The following CCDC136 variants were observed in gnomAD, a reference collection of about 807,000 sequenced individuals.
CCDC136 encodes coiled-coil domain containing 136.
CCDC136 carries 100 observed loss-of-function variants against 141.2 expected under a neutral mutation model. The observed-to-expected ratio is 0.71, with a 90% CI of 0.60 to 0.84. CCDC136 has a LOEUF of 0.84. Among genes scored for constraint, CCDC136 ranks in the 40% least tolerant of loss-of-function variants. CCDC136 has a pLI of 0.00. For missense variants in CCDC136, 1,206 were observed against 1,379.4 expected, an observed-to-expected ratio of 0.87 and a Z score of 1.99; for synonymous variants, 474 against 531.9, an observed-to-expected ratio of 0.89 and a Z score of 1.50.
At chr7:128,798,812 C>T (rs921353080) in intron 3 of CCDC136, among the ~76,000 whole-genome samples, 2 of 151,946 alleles carry the variant, frequency 1.3e-5, no homozygotes, top group Non-Finnish European at 2.9e-5. Flanking sequence ...GGCCTTGGCA[C>T]GCAGTTAAGG....
At chr7:128,799,172 TAAAAA>T (rs35342890) in intron 3 of CCDC136, among the ~76,000 whole-genome samples, 3 of 51,310 alleles carry the variant, frequency 5.8e-5, no homozygotes, top group Non-Finnish European at 6.7e-5. Flanking sequence ...ATCTCTACAT[TAAAAA>T]AAAAAAAAAA....
rs181079400 is a variant in CCDC136, at chr7:128,811,604, G to C, written c.2029-196G>C. On this transcript the variant is annotated intron_variant, in intron 12 of 17. Coordinates refer to ENST00000297788, the MANE Select transcript of CCDC136 (RefSeq NM_022742.5). Reference sequence around the variant, plus strand: ...AATCATGGAGTATCTGCCCTGGGGAGATTTTCCCAAATGAGCAAGAAACTG... The same window carrying C: ...AATCATGGAGTATCTGCCCTGGGGACATTTTCCCAAATGAGCAAGAAACTG... 1.6e-4 allele frequency among the ~76,000 whole-genome samples: 25 copies of C among 152,320 alleles called. No homozygotes were observed. In the East Asian group the frequency reaches 4.1e-3, roughly 25 times the overall value.
chr7:128,809,777 C>A, intron 11 of CCDC136, 133 bp downstream of exon 11: 1 of 673,114 alleles, frequency 1.5e-6, no homozygotes, highest in Non-Finnish European at 2.5e-6. Context: ...TCTCACCACT[C>A]TCCCCAAACC....
Position 128,793,429 on chromosome 7 carries a change from C to T in CCDC136, c.17-919C>T, listed in dbSNP as rs9641840. 2.0e-5 allele frequency among the ~76,000 whole-genome samples: 3 copies of T among 152,192 alleles called. No homozygotes were observed. The East Asian group carries it at 5.8e-4, about 29-fold the overall frequency. ...ATGCAGCAGGGAAAAACAAGGTGGA[C>T]CTTGTAGAAAATTTCAAACAGGTAT... On this transcript the variant is annotated intron_variant, in intron 1 of 17. Coordinates refer to ENST00000297788, the MANE Select transcript of CCDC136 (RefSeq NM_022742.5).
At chr7:128,796,739 A>ATATATATATATATATATTTTTTTTTTTT in intron 3 of CCDC136, among the ~76,000 whole-genome samples, 1 of 113,374 alleles carries the variant, frequency 8.8e-6, no homozygotes, top group African/African-American at 4.6e-5. Context: ...ATATATATAT[A>ATATATATATATATATATTTTTTTTTTTT]TTCTTTTTTT....
upstream of CCDC136, chr7:128,791,503 G>A: frequency 7.7e-7 from 1 of 1,301,096 alleles, no homozygotes; most frequent in Non-Finnish European, 9.7e-7. The surrounding 1 kb of genome is among the most constrained non-coding windows in gnomAD (Gnocchi z 7.1). Flanking sequence ...CATGGAGGCG[G>A]GCGCCGGAGC....
chr7:128,814,927 G>C lies in CCDC136; in HGVS notation c.3045+8G>C. The C allele has an allele frequency of 1.3e-6, 2 of 1,563,620 alleles. No individual in the cohort carries two copies. Among genetic ancestry groups the C allele is most frequent in the Non-Finnish European group, 1.7e-6 (2 of 1,152,346 alleles). The stretch of plus-strand genomic sequence containing the variant: ...GACCTTGAGACCAGAAAGGTGAGTA[G>C]TAACCTTGGTAGCCAGATAAGCAGA... On this transcript the variant is annotated splice_region_variant and intron_variant, in intron 15 of 17. Transcript: ENST00000297788.
chr7:128,810,322 G>A lies in CCDC136; in HGVS notation c.1984G>A (p.Asp662Asn), dbSNP rs754247207. The change falls in exon 12 of 18, where the codon GAT becomes AAT. Residue 662 changes from aspartate (D) to asparagine (N), a missense_variant. By Grantham distance (23) the Asp-to-Asn change is conservative (BLOSUM62 1). Transcript: ENST00000297788. The stretch of plus-strand genomic sequence containing the variant: ...TTTCCAGGAAGTGTTGGAGAATCCC[G>A]ATGATTCCAAATTGGCTAAGTCCTC... The part of the protein sequence containing the change: ...SHFQEVLENP[D>N]DSKLAKSSKC... 4.7e-5 allele frequency: 76 copies of A among 1,613,918 alleles called. No individual in the cohort carries two copies. The highest frequency in any genetic ancestry group is 3.3e-4 in the Middle Eastern group (2 of 6,060).
chr7:128,800,447 C>T (rs1172897789), intron 3 of CCDC136, among the ~76,000 whole-genome samples: 1 of 150,824 alleles, frequency 6.6e-6, no homozygotes, highest in Non-Finnish European at 1.5e-5. Flanking sequence ...CGTGCCACCA[C>T]ACCTGGCTTT....
intron 4 of CCDC136, 139 bp downstream of exon 4, chr7:128,801,648 G>C: frequency 3.1e-6 from 2 of 649,344 alleles, no homozygotes; most frequent in Non-Finnish European, 5.1e-6. Context: ...AGACTGTAGG[G>C]GTCCAGGCGT....
intron 4 of CCDC136, among the ~76,000 whole-genome samples, chr7:128,802,588 C>A (rs1804216374): frequency 6.6e-6 from 1 of 152,064 alleles, no homozygotes; most frequent in Non-Finnish European, 1.5e-5. Flanking sequence ...TTAATAAAAC[C>A]TTATAGCTAG....
intron 3 of CCDC136, among the ~76,000 whole-genome samples, chr7:128,798,909 T>C (rs1396147949): frequency 6.6e-6 from 1 of 152,066 alleles, no homozygotes; most frequent in Admixed American, 6.5e-5. Flanking sequence ...GACATGCCCA[T>C]AGTTCCACAT....
At chr7:128,795,419 C>G (rs1044294161) in intron 3 of CCDC136, among the ~76,000 whole-genome samples, 2 of 151,948 alleles carry the variant, frequency 1.3e-5, no homozygotes, top group Admixed American at 6.6e-5. Flanking sequence ...TTTAGGGGAG[C>G]TGCCCTAGAA....
chr7:128,791,148 C>T (rs1454459013), upstream of CCDC136, among the ~76,000 whole-genome samples: 1 of 152,188 alleles, frequency 6.6e-6, no homozygotes, highest in African/African-American at 2.4e-5. The surrounding 1 kb of genome is among the most constrained non-coding windows in gnomAD (Gnocchi z 7.1). Context: ...GGGGACCCGC[C>T]GCCAGAACCA....
intron 10 of CCDC136, chr7:128,808,967 G>T: frequency 1.0e-6 from 1 of 985,288 alleles, no homozygotes; most frequent in Non-Finnish European, 1.2e-6. Context: ...ACTTTCTAAA[G>T]ATTTAAAGAG....
rs1039385481 is a variant in CCDC136 at position 128,812,269 on chromosome 7, G to A, written c.2498G>A (p.Ser833Asn). The change falls in exon 13 of 18, where the codon AGC becomes AAC. Residue 833 changes from serine to asparagine, a missense_variant. Transcript: ENST00000297788. Reference sequence around the variant, plus strand: ...GACACCTGCCAGAAGAGTTTTGTCAGCAGCTGCACTGACGAGGAACCTGCT... The same window carrying A: ...GACACCTGCCAGAAGAGTTTTGTCAACAGCTGCACTGACGAGGAACCTGCT... ...SSDTCQKSFVSSCTDEEPAEP... is the reference protein window; with the variant it reads ...SSDTCQKSFVNSCTDEEPAEP... 2.5e-6 allele frequency: 4 copies of A among 1,613,340 alleles called. No homozygotes were observed. The highest frequency in any genetic ancestry group is 1.7e-5 in the Admixed American group (1 of 59,890).
At chr7:128,791,487 A>G, upstream of CCDC136, 1 of 1,320,534 alleles carries the variant, frequency 7.6e-7, no homozygotes, top group Non-Finnish European at 9.6e-7. The surrounding 1 kb of genome is among the most constrained non-coding windows in gnomAD (Gnocchi z 7.1). Flanking sequence ...CGGCGGCGGG[A>G]GCGGTCATGG....
chr7:128,802,416 G>T (rs1319196295), intron 4 of CCDC136, among the ~76,000 whole-genome samples: 4 of 152,136 alleles, frequency 2.6e-5, no homozygotes, highest in Non-Finnish European at 5.9e-5. Flanking sequence ...ATTAAATGGT[G>T]CTGGGAGAAG....
rs1375015617 is a variant in CCDC136, at chr7:128,794,548, G to A, written c.217G>A (p.Glu73Lys). ...AQVLQLVAEL[E>K]ETRELAGQHE... ...GGTGCTGCAGCTGGTGGCAGAACTG[G>A]AGGAGACCCGGGAACTGGCAGGGCA... The change falls in exon 2 of 18, where the codon GAG (glutamate) becomes AAG (lysine). Residue 73 changes from glutamate to lysine, a missense_variant. Coordinates refer to ENST00000297788, the MANE Select transcript of CCDC136 (RefSeq NM_022742.5). The surrounding 1 kb of genome is among the most constrained non-coding windows in gnomAD (Gnocchi z 4.3). 6.4e-7 allele frequency: 1 copy of A among 1,556,054 alleles called. No individual in the cohort carries two copies. The highest frequency in any genetic ancestry group is 8.7e-7 in the Non-Finnish European group (1 of 1,149,606).
Sources: allele counts gnomAD v4.1 joint callset (sites outside exome capture counted in the v4.1 genomes callset), GRCh38; gene constraint gnomAD v4.1.1; non-coding constraint Gnocchi (gnomAD v3.1); transcripts MANE v1.5; gene names NCBI Gene and HGNC (gene_info 2026-07-23, HGNC 2026-07-21).